The following TSHZ2 variants were observed in gnomAD, a reference collection of about 807,000 sequenced individuals.
TSHZ2 encodes the protein teashirt zinc finger homeobox 2.
TSHZ2 carries 21 observed loss-of-function variants against 74.4 expected under a neutral mutation model. That is an observed-to-expected ratio of 0.28 (90% CI 0.20 to 0.41). The LOEUF (loss-of-function observed/expected upper bound fraction) is 0.41. Ranked by LOEUF, TSHZ2 falls within the 10% of genes least tolerant of loss-of-function variation. The pLI is 1.00. For missense variants in TSHZ2, 1,244 were observed against 1,293.5 expected (o/e 0.96, Z 0.59); for synonymous variants, 540 against 515.3 (o/e 1.05, Z -0.65).
chr20:53,430,534 G>A (rs1381949080), intron 2 of TSHZ2, among the ~76,000 whole-genome samples: 1 of 151,378 alleles, frequency 6.6e-6, no homozygotes. Flanking sequence ...ATATGTGAGA[G>A]AAAGAAGTTT....
intron 1 of TSHZ2, among the ~76,000 whole-genome samples, chr20:53,051,875 G>T (rs915974233): frequency 3.9e-5 from 6 of 152,166 alleles, no homozygotes; most frequent in African/African-American, 1.4e-4. Context: ...CTTTGCAGGA[G>T]AAAGAAACAA....
chr20:53,237,781 T>G (rs917366733), intron 1 of TSHZ2, among the ~76,000 whole-genome samples: 3 of 152,158 alleles, frequency 2.0e-5, no homozygotes, highest in Non-Finnish European at 4.4e-5. Flanking sequence ...AAAGCAGATT[T>G]TTGACCCAGT....
At chr20:53,050,085 A>C (rs550385626) in intron 1 of TSHZ2, among the ~76,000 whole-genome samples, 55 of 133,992 alleles carry the variant, frequency 4.1e-4, no homozygotes, top group African/African-American at 1.6e-3. Context: ...AATCTCAAAA[A>C]AAAAAATGTA....
At chr20:53,386,086 C>T (rs764426543) in intron 2 of TSHZ2, among the ~76,000 whole-genome samples, 18 of 152,236 alleles carry the variant, frequency 1.2e-4, no homozygotes, top group Non-Finnish European at 1.8e-4. Flanking sequence ...CTGGGTCTCA[C>T]ACAGTATTTA....
At chr20:53,199,672 T>G (rs561768916) in intron 1 of TSHZ2, among the ~76,000 whole-genome samples, 2 of 152,194 alleles carry the variant, frequency 1.3e-5, no homozygotes, top group South Asian at 4.2e-4. Context: ...CTGGATAATC[T>G]CCCCATTTTA....
chr20:53,100,845 C>A (rs1159003070), intron 1 of TSHZ2, among the ~76,000 whole-genome samples: 2 of 152,206 alleles, frequency 1.3e-5, no homozygotes, highest in African/African-American at 4.8e-5. Context: ...CCAAGAGCCA[C>A]CAACTAATTG....
intron 1 of TSHZ2, among the ~76,000 whole-genome samples, chr20:53,067,857 G>A (rs749328250): frequency 2.6e-5 from 4 of 152,198 alleles, no homozygotes; most frequent in Non-Finnish European, 5.9e-5. Flanking sequence ...GAGCTTCAGA[G>A]GCTAGAAGTG....
At chr20:53,353,934 T>C (rs1980748122) in intron 2 of TSHZ2, among the ~76,000 whole-genome samples, 1 of 152,196 alleles carries the variant, frequency 6.6e-6, no homozygotes, top group East Asian at 1.9e-4. Flanking sequence ...CTTCCTGGCA[T>C]GTGGGTCTTT....
intron 1 of TSHZ2, among the ~76,000 whole-genome samples, chr20:53,049,567 G>T (rs1201464935): frequency 6.6e-6 from 1 of 152,062 alleles, no homozygotes; most frequent in Non-Finnish European, 1.5e-5. Context: ...TCACCATTAG[G>T]TAGTGCCCTC....
At chr20:53,377,261 C>A (rs559190969) in intron 2 of TSHZ2, among the ~76,000 whole-genome samples, 1 of 152,326 alleles carries the variant, frequency 6.6e-6, no homozygotes, top group South Asian at 2.1e-4. Context: ...AGGACCAAGC[C>A]TACCAGTGAG....
chr20:53,290,668 A>G (rs1198139333), intron 2 of TSHZ2, among the ~76,000 whole-genome samples: 1 of 152,212 alleles, frequency 6.6e-6, no homozygotes, highest in African/African-American at 2.4e-5. Context: ...TATTGGTTTC[A>G]TTATGGGTAT....
chr20:53,051,453 GCACGCACACACACACACA>G (rs1426368039), intron 1 of TSHZ2, among the ~76,000 whole-genome samples: 6 of 102,992 alleles, frequency 5.8e-5, no homozygotes, highest in Admixed American at 2.0e-4. Flanking sequence ...ACTCTGTGGC[GCACGCACACACACACACA>G]CACACACACA....
intron 1 of TSHZ2, among the ~76,000 whole-genome samples, chr20:53,077,088 C>A (rs890218487): frequency 6.6e-6 from 1 of 152,076 alleles, no homozygotes; most frequent in Non-Finnish European, 1.5e-5. Flanking sequence ...AGACACAAGT[C>A]TATGAGCTTA....
At chr20:53,462,972 T>C (rs1600660824) in intron 2 of TSHZ2, among the ~76,000 whole-genome samples, 1 of 152,154 alleles carries the variant, frequency 6.6e-6, no homozygotes, top group African/African-American at 2.4e-5. Flanking sequence ...CCTTTTGTTG[T>C]GGGGGCCTCT....
intron 1 of TSHZ2, among the ~76,000 whole-genome samples, chr20:53,072,002 G>C (rs1985189499): frequency 6.6e-6 from 1 of 152,140 alleles, no homozygotes; most frequent in Non-Finnish European, 1.5e-5. Context: ...CAGCTTGTGG[G>C]GTAGAGACCA....
At chr20:53,327,846 G>A (rs763343129) in intron 2 of TSHZ2, among the ~76,000 whole-genome samples, 1 of 152,180 alleles carries the variant, frequency 6.6e-6, no homozygotes, top group Admixed American at 6.5e-5. Flanking sequence ...GGATGACAAG[G>A]AAGTCCTGAC....
intron 2 of TSHZ2, among the ~76,000 whole-genome samples, chr20:53,265,872 T>G (rs1349162893): frequency 6.6e-6 from 1 of 152,198 alleles, no homozygotes; most frequent in East Asian, 1.9e-4. Context: ...AAGAGAAATG[T>G]GTTTTCCCTT....
rs766191614 is a variant in TSHZ2 at position 53,120,636 on chromosome 20, T to TA, written c.41-132858dup. On this transcript the variant is annotated intron_variant, in intron 1 of 2. Coordinates refer to ENST00000371497, the MANE Select transcript of TSHZ2 (RefSeq NM_173485.6). The stretch of plus-strand genomic sequence containing the variant: ...GTGGAAATTACACCCTGTAACAAAG[T>TA]AAAAATGTTTTCAGTGTTTAAAGGT... 1.5e-3 allele frequency among the ~76,000 whole-genome samples: 227 copies of TA among 152,276 alleles called. 1 individual carries two copies. Among genetic ancestry groups the TA allele is most frequent in the Non-Finnish European group, 1.3e-3 (90 of 68,002 alleles).
At chr20:53,447,792 T>G (rs938526058) in intron 2 of TSHZ2, among the ~76,000 whole-genome samples, 6 of 152,220 alleles carry the variant, frequency 3.9e-5, no homozygotes, top group African/African-American at 1.4e-4. Flanking sequence ...ACCAATGATG[T>G]GCTCTCTCCT....
Sources: allele counts gnomAD v4.1 joint callset (sites outside exome capture counted in the v4.1 genomes callset), GRCh38; gene constraint gnomAD v4.1.1; transcripts MANE v1.5; gene names NCBI Gene and HGNC (gene_info 2026-07-23, HGNC 2026-07-21).